Variants in EPHA3 observed in about 807,000 individuals in gnomAD.
The protein encoded by EPHA3 is EPH receptor A3.
Under a neutral mutation model 107.1 loss-of-function variants are expected in EPHA3, and 42 were observed. The observed-to-expected ratio is 0.39, with a 90% CI of 0.31 to 0.51. The LOEUF is 0.51. Ranked by LOEUF, EPHA3 falls within the 20% of genes least tolerant of loss-of-function variation. The pLI is 0.78. For synonymous variants in EPHA3, 461 were observed against 424.8 expected (o/e 1.09, Z -1.05); for missense variants, 1,183 against 1,211.2 (o/e 0.98, Z 0.35).
chr3:89,286,908 TTTG>T (rs1321439739), intron 3 of EPHA3, among the ~76,000 whole-genome samples: 2 of 152,168 alleles, frequency 1.3e-5, no homozygotes, highest in Non-Finnish European at 2.9e-5. Flanking sequence ...ATGTCCTTGT[TTTG>T]TTTTCTTAGT....
At chr3:89,344,875 A>AGACTGGATTAAGAAAATGTG (rs1159725887) in intron 5 of EPHA3, among the ~76,000 whole-genome samples, 20 of 151,730 alleles carry the variant, frequency 1.3e-4, no homozygotes, top group Non-Finnish European at 2.1e-4. Context: ...TTCGGATATT[A>AGACTGGATTAAGAAAATGTG]GTTCTCAGCT....
At chr3:89,349,631 TG>T (rs1205649388) in intron 5 of EPHA3, among the ~76,000 whole-genome samples, 1 of 140,472 alleles carries the variant, frequency 7.1e-6, no homozygotes, top group Non-Finnish European at 1.6e-5. Context: ...AAGTTAATAT[TG>T]TTATGTGTGA....
rs147674304 is a variant in EPHA3, at chr3:89,261,733, T to C, written c.814+51213T>C. On this transcript the variant is annotated intron_variant, in intron 3 of 16. Transcript: ENST00000336596. ...TATCAGATACGCACTCATTTATAAC[T>C]CTAGTATATTGTCCTTAACATTGCT... Among the ~76,000 whole-genome samples the C allele has an allele frequency of 3.9e-3, 600 of 152,212 alleles. 1 individual carries two copies. The highest frequency in any genetic ancestry group is 6.8e-3 in the Middle Eastern group (2 of 294).
chr3:89,476,843 C>T (rs1253963554), intron 16 of EPHA3, among the ~76,000 whole-genome samples: 2 of 151,668 alleles, frequency 1.3e-5, no homozygotes, highest in Admixed American at 6.6e-5. Flanking sequence ...CTCCTGACCT[C>T]GTGATTCACC....
At chr3:89,278,367 G>T (rs1355543200) in intron 3 of EPHA3, among the ~76,000 whole-genome samples, 4 of 152,064 alleles carry the variant, frequency 2.6e-5, no homozygotes, top group African/African-American at 4.8e-5. Context: ...TTCCAGGTAG[G>T]AAATCAACCT....
intron 3 of EPHA3, among the ~76,000 whole-genome samples, chr3:89,287,443 G>T (rs1179075697): frequency 6.6e-6 from 1 of 152,052 alleles, no homozygotes; most frequent in Non-Finnish European, 1.5e-5. Context: ...TGATAATGAT[G>T]GGGTCAATAA....
intron 3 of EPHA3, among the ~76,000 whole-genome samples, chr3:89,299,447 T>A (rs191038358): frequency 2.0e-5 from 3 of 151,760 alleles, no homozygotes; most frequent in Admixed American, 2.0e-4. Context: ...AAATGTAACA[T>A]CCATAGCCTA....
intron 3 of EPHA3, among the ~76,000 whole-genome samples, chr3:89,331,434 A>T (rs1306447129): frequency 1.3e-5 from 2 of 152,184 alleles, no homozygotes; most frequent in African/African-American, 2.4e-5. Flanking sequence ...GAATAGCATA[A>T]CTTATTTATA....
chr3:89,320,957 G>A (rs7644070), intron 3 of EPHA3, among the ~76,000 whole-genome samples: 69,757 of 151,716 alleles, frequency 0.46, 16,363 homozygotes, highest in African/African-American at 0.51. Context: ...GTGTATAGTA[G>A]GTGATAGAGG....
intron 3 of EPHA3, among the ~76,000 whole-genome samples, chr3:89,312,486 T>C (rs1262096479): frequency 6.6e-6 from 1 of 151,830 alleles, no homozygotes; most frequent in East Asian, 1.9e-4. Flanking sequence ...GTGTGCATTT[T>C]GCCTCAGTTT....
At chr3:89,422,889 G>A (rs1357371715) in intron 11 of EPHA3, among the ~76,000 whole-genome samples, 1 of 151,370 alleles carries the variant, frequency 6.6e-6, no homozygotes, top group African/African-American at 2.4e-5. Context: ...TTTTGAGCCT[G>A]ATGGTCTTAA....
intron 15 of EPHA3, 122 bp from the exon 16 acceptor site, chr3:89,472,342 C>T: frequency 1.9e-6 from 2 of 1,077,906 alleles, no homozygotes; most frequent in South Asian, 1.7e-5. Flanking sequence ...AGATAAATTC[C>T]ACAAATGAAA....
chr3:89,304,710 A>G (rs1706570063), intron 3 of EPHA3, among the ~76,000 whole-genome samples: 1 of 152,094 alleles, frequency 6.6e-6, no homozygotes, highest in African/African-American at 2.4e-5. Context: ...ATTATATCAT[A>G]CAAACAATGT....
At chr3:89,270,107 C>T (rs1213080222) in intron 3 of EPHA3, among the ~76,000 whole-genome samples, 1 of 151,764 alleles carries the variant, frequency 6.6e-6, no homozygotes, top group Non-Finnish European at 1.5e-5. Context: ...ATACCAAATC[C>T]AAAACTCAAT....
intron 13 of EPHA3, among the ~76,000 whole-genome samples, chr3:89,431,938 A>G (rs2107537861): frequency 6.6e-6 from 1 of 152,274 alleles, no homozygotes; most frequent in East Asian, 1.9e-4. Flanking sequence ...TCATAATACA[A>G]TTGTATGCCA....
chr3:89,387,387 C>T lies in EPHA3; in HGVS notation c.1307-8450C>T, dbSNP rs142932307. On this transcript the variant is annotated intron_variant, in intron 5 of 16. Coordinates refer to ENST00000336596, the MANE Select transcript of EPHA3 (RefSeq NM_005233.6). ...CCCTGCCACTTCACTCTGCACTTCT[C>T]CTTGCTGCAGCCATGTGAAGAAGGA... Among the ~76,000 whole-genome samples the T allele has an allele frequency of 4.3e-3, 656 of 152,268 alleles. 3 individuals carry two copies. Among genetic ancestry groups the T allele is most frequent in the Non-Finnish European group, 5.1e-3 (350 of 68,024 alleles).
intron 5 of EPHA3, among the ~76,000 whole-genome samples, chr3:89,393,018 TATTA>T (rs1035732716): frequency 2.6e-5 from 4 of 152,180 alleles, no homozygotes; most frequent in East Asian, 1.9e-4. Context: ...AAACAATTCC[TATTA>T]ATTATTTATT....
chr3:89,274,886 T>A (rs1248429469), intron 3 of EPHA3, among the ~76,000 whole-genome samples: 3 of 152,052 alleles, frequency 2.0e-5, no homozygotes, highest in Non-Finnish European at 4.4e-5. Context: ...GAAATTGTCA[T>A]CTTTCCTGTC....
Position 89,481,765 on chromosome 3 carries a change from G to T in EPHA3, c.*2263G>T, listed in dbSNP as rs571132323. The stretch of plus-strand genomic sequence containing the variant: ...CATAAGTGTACGATTCTTAACCATG[G>T]AGTAGAGGTACTAGAATGCTTACGG... On this transcript the variant is annotated 3_prime_UTR_variant, in exon 17 of 17. Coordinates refer to ENST00000336596, the MANE Select transcript of EPHA3 (RefSeq NM_005233.6). 2.2e-5 allele frequency: 5 copies of T among 232,004 alleles called. No homozygotes were observed. The South Asian group carries it at 9.1e-4, about 42-fold the overall frequency. 14.4% of individuals were successfully genotyped at this position (232,004 alleles called of 1,614,324 possible). A position where few individuals can be genotyped will look rare whatever the true frequency, so the allele number is the denominator to read the frequency against.
Sources: allele counts gnomAD v4.1 joint callset (sites outside exome capture counted in the v4.1 genomes callset), GRCh38; gene constraint gnomAD v4.1.1; transcripts MANE v1.5; gene names NCBI Gene and HGNC (gene_info 2026-07-23, HGNC 2026-07-21).